ARHGEF17: variants seen among roughly 807,000 people sequenced by gnomAD.
The protein encoded by ARHGEF17 is Rho guanine nucleotide exchange factor 17, also known as 164 kDa Rho-specific guanine-nucleotide exchange factor.
A neutral mutation model predicts 174.0 loss-of-function variants in ARHGEF17; 80 were observed. The ratio of observed to expected loss-of-function variants is 0.46; its 90% CI spans 0.38 to 0.55. The LOEUF is 0.55. Among genes scored for constraint, ARHGEF17 ranks in the 20% least tolerant of loss-of-function variants. The pLI, the probability that ARHGEF17 is intolerant of heterozygous loss-of-function variation, is 0.00. For synonymous variants in ARHGEF17, 1,311 were observed against 1,189.1 expected, an observed-to-expected ratio of 1.10 and a Z score of -2.11; for missense variants, 2,886 against 2,839.7, an observed-to-expected ratio of 1.02 and a Z score of -0.37.
rs1046733682 is a variant in ARHGEF17 at position 73,362,828 on chromosome 11, A to G, written c.4996+94A>G. ...GGAGGGACCAGTGTAGGGCAAAGGCATGGCGTCAGACCTCAGGATGTTAGC... is the reference window on the plus strand; with the variant it reads ...GGAGGGACCAGTGTAGGGCAAAGGCGTGGCGTCAGACCTCAGGATGTTAGC... On this transcript the variant is annotated intron_variant, in intron 14 of 20. Transcript: ENST00000263674. The G allele has an allele frequency of 6.2e-5, 89 of 1,437,522 alleles. 1 individual carries two copies. The highest frequency in any genetic ancestry group is 4.2e-5 in the Admixed American group (2 of 47,544). 89.0% of individuals were successfully genotyped at this position (1,437,522 alleles called of 1,614,324 possible).
In ARHGEF17 at chr11:73,310,396, C is replaced by G; in HGVS notation, c.1758C>G (p.Ile586Met). Residue 586 changes from isoleucine to methionine, a missense_variant, in exon 1 of 21, where the codon ATC becomes ATG. Transcript: ENST00000263674. The part of the protein sequence containing the change: ...PGAEEDPLPL[I>M]VQDQYVQEAR... ...CCGAGGAGGATCCGCTGCCCCTCAT[C>G]GTCCAGGACCAATATGTGCAGGAGG... is the stretch of plus-strand genomic sequence containing the variant. 2 of 1,613,964 alleles carry G rather than the reference C, an allele frequency of 1.2e-6. No individual in the cohort carries two copies. Among genetic ancestry groups the G allele is most frequent in the Non-Finnish European group, 1.7e-6 (2 of 1,180,026 alleles).
Position 73,364,177 on chromosome 11 carries a change from T to C in ARHGEF17, c.5339T>C (p.Leu1780Pro). 1 of 1,614,110 alleles carries C rather than the reference T, an allele frequency of 6.2e-7. No homozygotes were observed. Among genetic ancestry groups the C allele is most frequent in the Non-Finnish European group, 8.5e-7 (1 of 1,180,016 alleles). ...HAASVTCILY[L>P]NNQVFVSLAN... ...TTCCTCTTTTCCCTACCCAGGTATC[T>C]GAATAACCAGGTGTTTGTGTCTCTG... The change falls in exon 17 of 21, where the codon CTG (leucine) becomes CCG (proline). Residue 1780 changes from leucine (L) to proline (P), a missense_variant. By Grantham distance (98) the Leu-to-Pro change is moderately conservative (BLOSUM62 -3). Coordinates refer to ENST00000263674, the MANE Select transcript of ARHGEF17 (RefSeq NM_014786.4).
Position 73,367,752 on chromosome 11 carries a change from C to T in ARHGEF17, c.6164C>T (p.Thr2055Ile), listed in dbSNP as rs776926953. 1.2e-5 allele frequency: 19 copies of T among 1,613,812 alleles called. No individual in the cohort carries two copies. In the South Asian group the frequency reaches 2.1e-4, roughly 18 times the overall value. Residue 2055 changes from threonine (T) to isoleucine (I), a missense_variant, in exon 21 of 21, where the codon ACA becomes ATA. By Grantham distance (89) the Thr-to-Ile change is moderately conservative. Around this residue, in one of 4 missense-constraint regions of ARHGEF17, gnomAD observed 329 missense variants for 435.2 expected, o/e 0.76. Coordinates refer to ENST00000263674, the MANE Select transcript of ARHGEF17 (RefSeq NM_014786.4). Reference protein sequence around the residue: ...SSETVGRDDSTNHLLLWRV With the variant: ...SSETVGRDDSINHLLLWRV ...GAGACTGTGGGTCGAGACGACAGCA[C>T]AAACCACCTCCTCCTGTGGAGGGTG...
intron 18 of ARHGEF17, chr11:73,364,823 A>T: frequency 5.4e-6 from 3 of 555,060 alleles, no homozygotes; most frequent in Non-Finnish European, 8.9e-6. Flanking sequence ...TAGGAATCTT[A>T]TTCATCCTCC....
Position 73,363,374 on chromosome 11 carries a change from C to A in ARHGEF17, c.5165C>A (p.Thr1722Asn), listed in dbSNP as rs760898740. 6.2e-7 allele frequency: 1 copy of A among 1,613,036 alleles called. No individual in the cohort carries two copies. The highest frequency in any genetic ancestry group is 1.3e-5 in the African/African-American group (1 of 74,928). The change falls in exon 15 of 21, where the codon ACC (threonine) becomes AAC (asparagine). Residue 1722 changes from threonine to asparagine, a missense_variant. Physicochemically the swap from Thr to Asn is moderately conservative, Grantham distance 65. Coordinates refer to ENST00000263674, the MANE Select transcript of ARHGEF17 (RefSeq NM_014786.4). ...CGCCGCTCCAGCCACGGCTCCTTCA[C>A]CCGGGGCAGCCTTGAGGACCTGCTG... ...ALRRSSHGSF[T>N]RGSLEDLLSV... is the part of the protein sequence containing the mutation.
rs1198700926 is a variant in ARHGEF17 at position 73,352,817 on chromosome 11, G to A, written c.3271-13G>A. 6.2e-7 allele frequency: 1 copy of A among 1,613,546 alleles called. No homozygotes were observed. Among genetic ancestry groups the A allele is most frequent in the Non-Finnish European group, 8.5e-7 (1 of 1,179,984 alleles). ...CTCTGAGGGAGTGTGCACCGACCCT[G>A]TGGGTCCTTCAGGGCTACATGCAGC... On this transcript the variant is annotated splice_polypyrimidine_tract_variant and intron_variant, in intron 2 of 20. Transcript: ENST00000263674.
chr11:73,309,488 G>A lies in ARHGEF17; in HGVS notation c.850G>A (p.Glu284Lys). The A allele has an allele frequency of 6.5e-7, 1 of 1,548,086 alleles. No homozygotes were observed. The change falls in exon 1 of 21, where the codon GAG becomes AAG. Residue 284 changes from glutamate (E) to lysine (K), a missense_variant. Coordinates refer to ENST00000263674, the MANE Select transcript of ARHGEF17 (RefSeq NM_014786.4). The stretch of plus-strand genomic sequence containing the variant: ...GGGCAGTGACGACGACCGAGACGGT[G>A]AGGGCGGCCACCGCTGGGGAGGGAG... ...SSGSDDDRDG[E>K]GGHRWGGRPG...
At chr11:73,367,411 A>G (rs566673263) in intron 20 of ARHGEF17, among the ~76,000 whole-genome samples, 173 bp from the exon 21 acceptor site, 1 of 152,354 alleles carries the variant, frequency 6.6e-6, no homozygotes, top group South Asian at 2.1e-4. Flanking sequence ...CTGGCTGCCA[A>G]GAAGTGGGCA....
intron 1 of ARHGEF17, among the ~76,000 whole-genome samples, chr11:73,316,792 G>C (rs574883043): frequency 1.1e-3 from 170 of 152,338 alleles, no homozygotes; most frequent in African/African-American, 3.8e-3. Context: ...TGGAATAGTG[G>C]CCTGGTCTGA....
intron 1 of ARHGEF17, among the ~76,000 whole-genome samples, chr11:73,342,746 G>A (rs1281642932): frequency 2.6e-5 from 4 of 152,032 alleles, no homozygotes; most frequent in Admixed American, 6.6e-5. Context: ...TTTGTCCACG[G>A]GTGTGCGCCG....
Position 73,365,073 on chromosome 11 carries a change from T to C in ARHGEF17, c.5551-317T>C. Reference sequence around the variant, plus strand: ...GGCCCCAGCTCTGTGACTGACTTGCTGTGTGACCTTTCCCTTCTAGGCTTC... The same window carrying C: ...GGCCCCAGCTCTGTGACTGACTTGCCGTGTGACCTTTCCCTTCTAGGCTTC... On this transcript the variant is annotated intron_variant, in intron 18 of 20. Coordinates refer to ENST00000263674, the MANE Select transcript of ARHGEF17 (RefSeq NM_014786.4). The surrounding 1 kb of genome is among the most constrained non-coding windows in gnomAD (Gnocchi z 4.9). The C allele has an allele frequency of 2.6e-6, 1 of 378,962 alleles. No individual in the cohort carries two copies. The highest frequency in any genetic ancestry group is 5.5e-5 in the East Asian group (1 of 18,252). 23.5% of individuals were successfully genotyped at this position (378,962 alleles called of 1,614,324 possible). A position where few individuals can be genotyped will look rare whatever the true frequency, so the allele number is the denominator to read the frequency against.
chr11:73,332,384 TGTGTGTGTGTG>T (rs1411343933), intron 1 of ARHGEF17, among the ~76,000 whole-genome samples: 3 of 143,284 alleles, frequency 2.1e-5, no homozygotes, highest in African/African-American at 7.5e-5. Flanking sequence ...TGTGTGTGTG[TGTGTGTGTGTG>T]TGTGTGTGTG....
In ARHGEF17 at chr11:73,308,495, C is replaced by A; in HGVS notation, c.-144C>A. Reference sequence around the variant, plus strand: ...AGAAACTTGAGCCGCGGCAGAGAAACCTCTGCTCCGGTCTCTGCGTCCTCT... The same window carrying A: ...AGAAACTTGAGCCGCGGCAGAGAAAACTCTGCTCCGGTCTCTGCGTCCTCT... On this transcript the variant is annotated 5_prime_UTR_variant, in exon 1 of 21. Coordinates refer to ENST00000263674, the MANE Select transcript of ARHGEF17 (RefSeq NM_014786.4). 1 of 730,812 alleles carries A rather than the reference C, an allele frequency of 1.4e-6. No individual in the cohort carries two copies. Among genetic ancestry groups the A allele is most frequent in the Non-Finnish European group, 2.0e-6 (1 of 509,056 alleles). 45.3% of individuals were successfully genotyped at this position (730,812 alleles called of 1,614,324 possible). A position where few individuals can be genotyped will look rare whatever the true frequency, so the allele number is the denominator to read the frequency against.
intron 20 of ARHGEF17, among the ~76,000 whole-genome samples, chr11:73,366,250 T>A (rs1865836958): frequency 6.6e-6 from 1 of 152,188 alleles, no homozygotes; most frequent in South Asian, 2.1e-4. Flanking sequence ...ATAGAATATG[T>A]ATATAGAAAA....
intron 1 of ARHGEF17, among the ~76,000 whole-genome samples, chr11:73,329,334 TATATATATATATATATATATATATATA>T (rs1865154779): frequency 5.4e-4 from 1 of 1,862 alleles, no homozygotes; most frequent in African/African-American, 1.2e-3. Context: ...TATATATATA[TATATATATATATATATATATATATATA>T]TATATATATA....
Position 73,343,251 on chromosome 11 carries a change from G to T in ARHGEF17, c.3193-3632G>T, listed in dbSNP as rs1019453662. ...GGAGCCTGCCGGGGGCAGCAGCACT[G>T]ACGCCGAGGAGCCTGGGGAGGCCCA... On this transcript the variant is annotated intron_variant, in intron 1 of 20. Transcript: ENST00000263674. 4.2e-4 allele frequency: 167 copies of T among 398,674 alleles called. 1 individual carries two copies. The highest frequency in any genetic ancestry group is 7.5e-4 in the Admixed American group (17 of 22,718). The allele number at this position is 398,674 out of a possible 1,614,324, so 24.7% of individuals were successfully genotyped here.
At chr11:73,326,669 G>A (rs371431854) in intron 1 of ARHGEF17, among the ~76,000 whole-genome samples, 10 of 152,098 alleles carry the variant, frequency 6.6e-5, no homozygotes, top group Non-Finnish European at 1.0e-4. Flanking sequence ...GCAGTGCACC[G>A]AGATTGCACA....
chr11:73,354,270 C>T (rs192282404), intron 3 of ARHGEF17, among the ~76,000 whole-genome samples: 43 of 152,284 alleles, frequency 2.8e-4, no homozygotes, highest in African/African-American at 9.9e-4. Flanking sequence ...TGATGCTGAC[C>T]ATGGACTACG....
At chr11:73,318,815 C>T (rs1283992547) in intron 1 of ARHGEF17, among the ~76,000 whole-genome samples, 1 of 152,222 alleles carries the variant, frequency 6.6e-6, no homozygotes, top group African/African-American at 2.4e-5. Context: ...TAGCAAACTA[C>T]ACACATCTAG....
Sources: allele counts gnomAD v4.1 joint callset (sites outside exome capture counted in the v4.1 genomes callset), GRCh38; gene constraint gnomAD v4.1.1; regional missense constraint gnomAD v4.1.1; non-coding constraint Gnocchi (gnomAD v3.1); transcripts MANE v1.5; gene names NCBI Gene and HGNC (gene_info 2026-07-23, HGNC 2026-07-21).